Variants in MYO9A observed in about 807,000 individuals in gnomAD.
MYO9A encodes myosin IXA, also known as unconventional myosin-IXa.
In MYO9A, 103 loss-of-function variants were observed where a neutral mutation model predicts 293.3. The ratio of observed to expected loss-of-function variants is 0.35; its 90% confidence interval spans 0.30 to 0.41. The LOEUF (loss-of-function observed/expected upper bound fraction) is 0.41, where lower values mean the gene tolerates loss of function less well. Among genes scored for constraint, MYO9A ranks in the 10% least tolerant of loss-of-function variants. The pLI, the probability that MYO9A is intolerant of heterozygous loss-of-function variation, is 1.00. For synonymous variants in MYO9A, 1,001 were observed against 1,035.7 expected (o/e 0.97, Z 0.64); for missense variants, 2,685 against 3,033.0 (o/e 0.89, Z 2.69).
chr15:71,904,084 AAATT>A, intron 20 of MYO9A, 45 bp from the exon 21 acceptor site: 1 of 1,413,940 alleles, frequency 7.1e-7, no homozygotes. Context: ...GTAGATCTCC[AAATT>A]AATTATCTGT....
At chr15:71,934,601 C>CT (rs775166166) in intron 17 of MYO9A, among the ~76,000 whole-genome samples, 624 of 142,852 alleles carry the variant, frequency 4.4e-3, no homozygotes, top group South Asian at 5.3e-3. Context: ...ACTTTTTTTC[C>CT]TTTTTTTTTT....
At chr15:71,867,083 C>T (rs2056355078) in intron 32 of MYO9A, among the ~76,000 whole-genome samples, 1 of 151,374 alleles carries the variant, frequency 6.6e-6, no homozygotes, top group African/African-American at 2.4e-5. Context: ...AAAACACACA[C>T]ACACACACAC....
chr15:71,935,158 A>T (rs889781496), intron 17 of MYO9A, 183 bp downstream of exon 17: 3 of 591,392 alleles, frequency 5.1e-6, no homozygotes, highest in Non-Finnish European at 8.4e-6. Context: ...CACAAGCTTT[A>T]TAACACATGA....
At chr15:71,902,812 C>T in intron 22 of MYO9A, 129 bp downstream of exon 22, 4 of 685,502 alleles carry the variant, frequency 5.8e-6, no homozygotes, top group Non-Finnish European at 8.8e-6. Flanking sequence ...AAATAAAAAC[C>T]TGGGCCTAAC....
At chr15:71,916,277 T>A in intron 19 of MYO9A, 93 bp downstream of exon 19, 1 of 1,391,232 alleles carries the variant, frequency 7.2e-7, no homozygotes, top group African/African-American at 1.5e-5. Context: ...TAAATTAAAA[T>A]CCCATTCAAG....
chr15:71,879,986 G>C, intron 29 of MYO9A, 149 bp from the exon 30 acceptor site: 1 of 618,390 alleles, frequency 1.6e-6, no homozygotes, highest in East Asian at 2.7e-5. Context: ...GTTATGACTA[G>C]ACAGTCAAAC....
intron 39 of MYO9A, among the ~76,000 whole-genome samples, chr15:71,843,213 G>A (rs2055239465): frequency 6.6e-6 from 1 of 151,934 alleles, no homozygotes; most frequent in South Asian, 2.1e-4. Context: ...TGGATCACTT[G>A]AGGTCAGGAG....
intron 1 of MYO9A, among the ~76,000 whole-genome samples, chr15:72,084,696 G>C (rs2079659424): frequency 6.6e-6 from 1 of 152,166 alleles, no homozygotes; most frequent in African/African-American, 2.4e-5. Context: ...TGTTTGAAAA[G>C]GATCTTATTT....
At chr15:72,041,112 G>T (rs2078213918) in intron 2 of MYO9A, 3 of 570,662 alleles carry the variant, frequency 5.3e-6, no homozygotes, top group Admixed American at 4.2e-5. Context: ...AGGTGTGGTG[G>T]TACATGCCTA....
intron 14 of MYO9A, chr15:71,958,709 A>G (rs1453730109): frequency 6.6e-6 from 1 of 152,168 alleles, no homozygotes; most frequent in African/African-American, 2.4e-5. Context: ...AGATTATTAT[A>G]TGGAAGCTCT....
chr15:71,871,121 TC>T (rs1345933599), intron 32 of MYO9A, among the ~76,000 whole-genome samples: 2 of 152,170 alleles, frequency 1.3e-5, no homozygotes, highest in Non-Finnish European at 2.9e-5. Context: ...ATGCCTGTAA[TC>T]CCAGCACTCT....
chr15:71,990,820 A>C (rs1439552200), intron 11 of MYO9A, among the ~76,000 whole-genome samples: 7 of 152,138 alleles, frequency 4.6e-5, no homozygotes, highest in Non-Finnish European at 8.8e-5. Flanking sequence ...TTAGTAAAAT[A>C]TCACAACTGA....
intron 1 of MYO9A, among the ~76,000 whole-genome samples, chr15:72,077,715 G>C (rs1180816773): frequency 8.0e-6 from 1 of 125,782 alleles, no homozygotes; most frequent in Non-Finnish European, 1.6e-5. Flanking sequence ...GGGCAACAGA[G>C]TGAGACTCTG....
chr15:71,967,225 T>C (rs976843186), intron 13 of MYO9A, among the ~76,000 whole-genome samples: 1 of 152,132 alleles, frequency 6.6e-6, no homozygotes, highest in African/African-American at 2.4e-5. Context: ...TACACACACA[T>C]ATATATATGC....
chr15:71,983,466 A>ATTTTTTTTTTTTTT, intron 11 of MYO9A, among the ~76,000 whole-genome samples: 1 of 84,578 alleles, frequency 1.2e-5, no homozygotes, highest in Non-Finnish European at 2.5e-5. Context: ...TATTTTTTTT[A>ATTTTTTTTTTTTTT]TTTCTTTTTT....
chr15:71,889,659 T>C (rs1160171550), intron 26 of MYO9A: 2 of 151,878 alleles, frequency 1.3e-5, no homozygotes, highest in African/African-American at 4.8e-5. Context: ...ATTGAAAAGT[T>C]AGATGAAATT....
intron 1 of MYO9A, among the ~76,000 whole-genome samples, chr15:72,093,777 C>A (rs2079992696): frequency 1.1e-5 from 1 of 89,794 alleles, no homozygotes; most frequent in Admixed American, 1.2e-4. Flanking sequence ...ATCCCAGCTA[C>A]TTGGGAGGCT....
chr15:71,847,816 C>A (rs957081616), intron 39 of MYO9A, among the ~76,000 whole-genome samples: 8 of 152,156 alleles, frequency 5.3e-5, no homozygotes, highest in Non-Finnish European at 1.2e-4. Flanking sequence ...TTACTGCCTG[C>A]AAAAAGCCCA....
chr15:71,834,284 G>A (rs919638397), intron 39 of MYO9A, among the ~76,000 whole-genome samples: 20 of 152,016 alleles, frequency 1.3e-4, no homozygotes, highest in African/African-American at 4.8e-4. Context: ...GAAGAAATTA[G>A]GAATGTGAAT....
Sources: gnomAD v4.1 joint callset for allele counts (sites outside exome capture counted in the v4.1 genomes callset) on GRCh38, gnomAD v4.1.1 for gene constraint, MANE v1.5 for transcripts, NCBI Gene and HGNC (gene_info 2026-07-23, HGNC 2026-07-21) for gene names.